Variants in GMNC observed in about 807,000 individuals in gnomAD.
GMNC encodes the protein geminin coiled-coil domain-containing protein 1.
In GMNC, 16 loss-of-function variants were observed where a neutral mutation model predicts 33.6. The observed-to-expected ratio is 0.48, with a 90% CI of 0.32 to 0.72. The LOEUF (loss-of-function observed/expected upper bound fraction) is 0.72. Ranked by LOEUF, GMNC falls within the 30% of genes least tolerant of loss-of-function variation. The pLI is 0.03. For synonymous variants in GMNC, 156 were observed against 147.3 expected (o/e 1.06, Z -0.43); for missense variants, 393 against 388.9 (o/e 1.01, Z -0.09).
At chr3:190,857,737 A>G in intron 4 of GMNC, 46 bp downstream of exon 4, 1 of 957,250 alleles carries the variant, frequency 1.0e-6, no homozygotes, top group East Asian at 2.6e-5. Flanking sequence ...TCCTTTCTCA[A>G]ATCACTGCTT....
chr3:190,858,004 T>G (rs1737784414), intron 3 of GMNC, 105 bp from the exon 4 acceptor site: 2 of 699,694 alleles, frequency 2.9e-6, no homozygotes, highest in African/African-American at 3.5e-5. Flanking sequence ...GATTGTTTGT[T>G]GTATGAACAC....
the GMNC span, among the ~76,000 whole-genome samples, chr3:190,847,027 C>T: frequency 6.6e-6 from 1 of 152,158 alleles, no homozygotes; most frequent in Non-Finnish European, 1.5e-5. Flanking sequence ...TCTTGACATA[C>T]TTTATTTTTG....
At chr3:190,850,399 A>G (rs1384946829), downstream of GMNC, among the ~76,000 whole-genome samples, 1 of 152,222 alleles carries the variant, frequency 6.6e-6, no homozygotes, top group Non-Finnish European at 1.5e-5. Flanking sequence ...CGGAGGCTGA[A>G]AAACCGGACT....
chr3:190,845,255 C>G, the GMNC span, among the ~76,000 whole-genome samples: 7 of 152,068 alleles, frequency 4.6e-5, no homozygotes, highest in Non-Finnish European at 1.0e-4. Flanking sequence ...TTTAGGTTGG[C>G]AGATGCGTTA....
At chr3:190,849,229 A>T (rs778240552), downstream of GMNC, among the ~76,000 whole-genome samples, 4 of 152,266 alleles carry the variant, frequency 2.6e-5, no homozygotes, top group Non-Finnish European at 5.9e-5. Flanking sequence ...AGAAAAGGCT[A>T]AGGTTCTGGC....
downstream of GMNC, among the ~76,000 whole-genome samples, chr3:190,852,489 T>C (rs766718028): frequency 3.3e-5 from 5 of 152,140 alleles, no homozygotes; most frequent in Non-Finnish European, 2.9e-5. Flanking sequence ...TTTCAGATGA[T>C]CAGAGGACAT....
downstream of GMNC, among the ~76,000 whole-genome samples, chr3:190,852,297 TAAATC>T (rs2082443823): frequency 2.0e-5 from 3 of 152,174 alleles, no homozygotes; most frequent in Non-Finnish European, 2.9e-5. Context: ...TTTCTTGAAT[TAAATC>T]AAATAGATAA....
chr3:190,850,970 G>GA (rs35343087), downstream of GMNC, among the ~76,000 whole-genome samples: 52,398 of 150,584 alleles, frequency 0.35, 10,238 homozygotes, highest in East Asian at 0.52. Flanking sequence ...TTTCTCCAAG[G>GA]AAAAAAAAAT....
In GMNC at chr3:190,857,895, TGCA is replaced by T; in HGVS notation, c.269_271del (p.Leu90del). On this transcript the variant is annotated inframe_deletion and splice_region_variant, in exon 4 of 5. Coordinates refer to ENST00000442080, the MANE Select transcript of GMNC (RefSeq NM_001146686.3). ...TTCTTCCTTCTGCACCAGGGTATCT[TGCA>T]GCTACAAAAAGCAGACAGTGGTGAA... The T allele has an allele frequency of 6.5e-7, 1 of 1,535,664 alleles. No individual in the cohort carries two copies. Among genetic ancestry groups the T allele is most frequent in the Non-Finnish European group, 8.8e-7 (1 of 1,132,338 alleles).
At chr3:190,848,208 A>G (rs1293820577), downstream of GMNC, among the ~76,000 whole-genome samples, 5 of 152,166 alleles carry the variant, frequency 3.3e-5, no homozygotes, top group East Asian at 5.8e-4. Context: ...CCCTTTTATT[A>G]TTGATAAAAC....
downstream of GMNC, among the ~76,000 whole-genome samples, chr3:190,851,663 C>T (rs188879488): frequency 6.6e-6 from 1 of 152,146 alleles, no homozygotes; most frequent in Non-Finnish European, 1.5e-5. Context: ...ATTAATCATA[C>T]TACTATTTCA....
rs1313813672 is a variant in GMNC at position 190,862,648 on chromosome 3, G to A, written c.-33C>T. 3.9e-6 allele frequency: 6 copies of A among 1,552,098 alleles called. No homozygotes were observed. The highest frequency in any genetic ancestry group is 5.2e-6 in the Non-Finnish European group (6 of 1,147,080). ...TGGAAGAAAGCGCTGCAGAAACTGAGCCCACTCAATTTTTCAGTAAAACCA... is the reference window on the plus strand; with the variant it reads ...TGGAAGAAAGCGCTGCAGAAACTGAACCCACTCAATTTTTCAGTAAAACCA... On this transcript the variant is annotated 5_prime_UTR_variant, in exon 1 of 5. Coordinates refer to ENST00000442080, the MANE Select transcript of GMNC (RefSeq NM_001146686.3). The surrounding 1 kb of genome is among the most constrained non-coding windows in gnomAD (Gnocchi z 4.5).
intron 2 of GMNC, chr3:190,859,772 A>G (rs1024066003): frequency 4.5e-6 from 2 of 448,232 alleles, no homozygotes; most frequent in African/African-American, 4.0e-5. Flanking sequence ...TCTTTTCTTC[A>G]TCTAGTACAG....
At chr3:190,847,479 A>G in the GMNC span, among the ~76,000 whole-genome samples, 1 of 152,172 alleles carries the variant, frequency 6.6e-6, no homozygotes, top group Non-Finnish European at 1.5e-5. Context: ...GGTGGGGAAC[A>G]TAAAGTTAAG....
chr3:190,860,979 T>C (rs747905190), intron 1 of GMNC, 121 bp from the exon 2 acceptor site: 19 of 667,770 alleles, frequency 2.8e-5, no homozygotes, highest in Non-Finnish European at 4.7e-5. Context: ...AGAAAAAAAA[T>C]CAGAAAAGGT....
chr3:190,854,288 G>A lies in GMNC; in HGVS notation c.*1007C>T, dbSNP rs567831249. 2 of 152,290 alleles carry A rather than the reference G, an allele frequency of 1.3e-5. No individual in the cohort carries two copies. The highest frequency in any genetic ancestry group is 1.3e-4 in the Admixed American group (2 of 15,298). The allele number at this position is 152,290 out of a possible 1,614,324, so 9.4% of individuals were successfully genotyped here. A position where few individuals can be genotyped will look rare whatever the true frequency, so the allele number is the denominator to read the frequency against. ...AGTCATAGCAGATGAGTAGGTCTAAGTCTCATGATGGTGGCCACAGTGTCT... is the reference window on the plus strand; with the variant it reads ...AGTCATAGCAGATGAGTAGGTCTAAATCTCATGATGGTGGCCACAGTGTCT... On this transcript the variant is annotated 3_prime_UTR_variant, in exon 5 of 5. Transcript: ENST00000442080.
chr3:190,845,396 T>C, the GMNC span, among the ~76,000 whole-genome samples: 2 of 152,168 alleles, frequency 1.3e-5, no homozygotes, highest in Admixed American at 1.3e-4. Context: ...TCAAACCTCT[T>C]CTGTTCATAA....
intron 2 of GMNC, among the ~76,000 whole-genome samples, chr3:190,860,338 A>G (rs1159698774): frequency 6.6e-6 from 1 of 152,162 alleles, no homozygotes; most frequent in East Asian, 1.9e-4. Flanking sequence ...TGAATTCCAA[A>G]AGAAGTGTTC....
At chr3:190,859,652 T>C (rs1737819152) in intron 2 of GMNC, 1 of 293,528 alleles carries the variant, frequency 3.4e-6, no homozygotes. Flanking sequence ...CTAATCTGTA[T>C]ATTTTATAAA....
Sources: gnomAD v4.1 joint callset for allele counts (sites outside exome capture counted in the v4.1 genomes callset) on GRCh38, gnomAD v4.1.1 for gene constraint, Gnocchi (gnomAD v3.1) non-coding constraint, MANE v1.5 for transcripts, NCBI Gene and HGNC (gene_info 2026-07-23, HGNC 2026-07-21) for gene names.